SERPINF2: variants seen among roughly 807,000 people sequenced by gnomAD.
The protein encoded by SERPINF2 is serpin family F member 2.
A neutral mutation model predicts 45.0 loss-of-function variants in SERPINF2; 15 were observed. That is an observed-to-expected ratio of 0.33 (90% CI 0.22 to 0.51). The LOEUF is 0.51. Ranked by LOEUF, SERPINF2 falls within the 20% of genes least tolerant of loss-of-function variation. The pLI is 0.97. For missense variants in SERPINF2, 518 were observed against 637.4 expected (o/e 0.81, Z 2.02); for synonymous variants, 283 against 277.9 (o/e 1.02, Z -0.18).
intron 8 of SERPINF2, among the ~76,000 whole-genome samples, chr17:1,751,695 G>C (rs1457936356): frequency 7.3e-6 from 1 of 136,392 alleles, no homozygotes; most frequent in Non-Finnish European, 1.7e-5. Context: ...CGGAGGTTGC[G>C]GTGAGCCGAG....
At position 1,747,724 on chromosome 17, in the gene SERPINF2, C is replaced by T. The variant is rs56230135; in HGVS notation, c.715+212C>T. Among the ~76,000 whole-genome samples the T allele has an allele frequency of 0.23, 35,331 of 152,078 alleles. 5,099 individuals carry two copies. The highest frequency in any genetic ancestry group is 0.5 in the East Asian group (2,568 of 5,114). On this transcript the variant is annotated intron_variant, in intron 7 of 9. Transcript: ENST00000453066. Reference sequence around the variant, plus strand: ...GGATTACAGGCATCTGCCACCACACCCAGCTAATTTTTGTATTTTAGTAGA... The same window carrying T: ...GGATTACAGGCATCTGCCACCACACTCAGCTAATTTTTGTATTTTAGTAGA...
At chr17:1,743,455 C>T (rs1905478088) in intron 1 of SERPINF2, among the ~76,000 whole-genome samples, 1 of 151,880 alleles carries the variant, frequency 6.6e-6, no homozygotes, top group African/African-American at 2.4e-5. Context: ...GTGGCTCATG[C>T]CTGTCATCCC....
chr17:1,751,436 T>G (rs1597332211), intron 8 of SERPINF2, among the ~76,000 whole-genome samples: 15 of 93,150 alleles, frequency 1.6e-4, no homozygotes, highest in South Asian at 3.4e-4. Context: ...ACAATAAGAG[T>G]GAAACTCTGT....
At chr17:1,747,253 C>T in intron 6 of SERPINF2, 56 bp from the exon 7 acceptor site, 14 of 1,610,290 alleles carry the variant, frequency 8.7e-6, no homozygotes, top group East Asian at 4.5e-5. Flanking sequence ...CGAGTAGGGG[C>T]GTGTCTGGCT....
rs760384588 is a variant in SERPINF2, at chr17:1,754,113, C to G, written c.1064-9C>G. ...GCAGCTCTGACCAGCCATCTCTGGCCCTGGGCAGGCCTGCAGGAGTTGTTC... is the reference window on the plus strand; with the variant it reads ...GCAGCTCTGACCAGCCATCTCTGGCGCTGGGCAGGCCTGCAGGAGTTGTTC... On this transcript the variant is annotated splice_polypyrimidine_tract_variant and intron_variant, in intron 9 of 9. Transcript: ENST00000453066. The G allele has an allele frequency of 6.2e-7, 1 of 1,603,036 alleles. No individual in the cohort carries two copies. Among genetic ancestry groups the G allele is most frequent in the East Asian group, 2.2e-5 (1 of 44,898 alleles).
At chr17:1,749,529 C>T (rs1210245813) in intron 8 of SERPINF2, among the ~76,000 whole-genome samples, 4 of 152,194 alleles carry the variant, frequency 2.6e-5, no homozygotes, top group Admixed American at 6.5e-5. Flanking sequence ...ACCCGGGAGA[C>T]GGAGGCTGCA....
At chr17:1,751,038 C>T (rs1308506929) in intron 8 of SERPINF2, among the ~76,000 whole-genome samples, 3 of 152,366 alleles carry the variant, frequency 2.0e-5, no homozygotes, top group South Asian at 2.1e-4. Flanking sequence ...GGCTTATCCT[C>T]CCACGGGCAG....
intron 1 of SERPINF2, among the ~76,000 whole-genome samples, chr17:1,744,186 G>A (rs989433590): frequency 5.3e-5 from 8 of 149,692 alleles, no homozygotes; most frequent in Non-Finnish European, 7.4e-5. Context: ...TTGAGCCACC[G>A]TGCCTGGCCA....
At chr17:1,747,655 C>G in intron 7 of SERPINF2, 143 bp downstream of exon 7, 1 of 903,182 alleles carries the variant, frequency 1.1e-6, no homozygotes, top group South Asian at 1.5e-5. Context: ...ACCTCCGCCT[C>G]CCGGATTGAA....
At chr17:1,746,931 C>T (rs531625545) in intron 5 of SERPINF2, 88 bp from the exon 6 acceptor site, 12 of 1,510,530 alleles carry the variant, frequency 7.9e-6, no homozygotes, top group South Asian at 6.0e-5. Flanking sequence ...TGGACGTCCT[C>T]GTCACGGGTA....
Position 1,754,447 on chromosome 17 carries a change from C to A in SERPINF2, c.1389C>A (p.Phe463Leu), listed in dbSNP as rs566749778. 2.2e-5 allele frequency: 35 copies of A among 1,609,368 alleles called. No homozygotes were observed. Among genetic ancestry groups the A allele is most frequent in the Admixed American group, 1.8e-4 (11 of 59,610 alleles). ...NKDFLQSLKG[F>L]PRGDKLFGPD... ...ACTTCCTCCAGAGCCTGAAAGGCTT[C>A]CCCCGCGGAGACAAGCTTTTCGGCC... is the stretch of plus-strand genomic sequence containing the variant. The change falls in exon 10 of 10, where the codon TTC (phenylalanine) becomes TTA (leucine). Residue 463 changes from phenylalanine to leucine, a missense_variant. Around this residue, in one of 2 missense-constraint regions of SERPINF2, gnomAD observed 83 missense variants for 60.0 expected, o/e 1.38. Coordinates refer to ENST00000453066, the MANE Select transcript of SERPINF2 (RefSeq NM_000934.4).
chr17:1,752,133 C>G (rs1216857857), intron 8 of SERPINF2, among the ~76,000 whole-genome samples: 1 of 150,872 alleles, frequency 6.6e-6, no homozygotes, highest in Non-Finnish European at 1.5e-5. Flanking sequence ...CTCATGGCAA[C>G]CTCTGCCTCC....
chr17:1,744,304 C>G (rs1007724675), intron 1 of SERPINF2, among the ~76,000 whole-genome samples: 4 of 151,812 alleles, frequency 2.6e-5, no homozygotes, highest in Non-Finnish European at 4.4e-5. Flanking sequence ...ACCAGCCTGA[C>G]TAACACAGAG....
chr17:1,746,210 C>G (rs1468303381), intron 5 of SERPINF2, among the ~76,000 whole-genome samples: 1 of 151,854 alleles, frequency 6.6e-6, no homozygotes, highest in East Asian at 2.0e-4. Context: ...TCCAGCTACT[C>G]AGGAGGCTGA....
At chr17:1,749,080 A>G (rs1285800455) in intron 8 of SERPINF2, among the ~76,000 whole-genome samples, 1 of 152,254 alleles carries the variant, frequency 6.6e-6, no homozygotes, top group African/African-American at 2.4e-5. Context: ...GTGAATGGAC[A>G]TCAACACAGG....
intron 8 of SERPINF2, among the ~76,000 whole-genome samples, chr17:1,750,831 G>A (rs1028939034): frequency 2.6e-5 from 4 of 152,146 alleles, no homozygotes; most frequent in African/African-American, 7.2e-5. Context: ...GCCCGGGAAC[G>A]CGTCCTGGCT....
chr17:1,751,061 C>T (rs978799810), intron 8 of SERPINF2, among the ~76,000 whole-genome samples: 3 of 152,220 alleles, frequency 2.0e-5, no homozygotes, highest in Non-Finnish European at 2.9e-5. Flanking sequence ...GTTCTCCACA[C>T]GGGTACTCTG....
At position 1,754,677 on chromosome 17, in the gene SERPINF2, G is replaced by GT; in HGVS notation, c.*146dup. On this transcript the variant is annotated 3_prime_UTR_variant, in exon 10 of 10. Coordinates refer to ENST00000453066, the MANE Select transcript of SERPINF2 (RefSeq NM_000934.4). ...ATTCTTTCCCAACACCTCTTGGGGA[G>GT]TTTAGGGTGGGGGGGGGGCGCGGCT... is the stretch of plus-strand genomic sequence containing the variant. The GT allele has an allele frequency of 2.1e-5, 5 of 233,480 alleles. No homozygotes were observed. The highest frequency in any genetic ancestry group is 6.7e-5 in the Admixed American group (1 of 14,832). 14.5% of individuals were successfully genotyped at this position (233,480 alleles called of 1,614,324 possible). A position where few individuals can be genotyped will look rare whatever the true frequency, so the allele number is the denominator to read the frequency against.
chr17:1,754,785 G>T lies in SERPINF2; in HGVS notation c.*251G>T, dbSNP rs1906718248. 1.9e-6 allele frequency: 1 copy of T among 528,612 alleles called. No homozygotes were observed. Among genetic ancestry groups the T allele is most frequent in the Non-Finnish European group, 3.3e-6 (1 of 304,212 alleles). 32.7% of individuals were successfully genotyped at this position (528,612 alleles called of 1,614,324 possible). A position where few individuals can be genotyped will look rare whatever the true frequency, so the allele number is the denominator to read the frequency against. On this transcript the variant is annotated 3_prime_UTR_variant, in exon 10 of 10. Transcript: ENST00000453066. ...GGCTCAGAGGGTGTCCTGCACCGGGGCCTGGGCAGGAGGGAGGTGCTTCTA... is the reference window on the plus strand; with the variant it reads ...GGCTCAGAGGGTGTCCTGCACCGGGTCCTGGGCAGGAGGGAGGTGCTTCTA...
Sources: gnomAD v4.1 joint callset for allele counts (sites outside exome capture counted in the v4.1 genomes callset) on GRCh38, gnomAD v4.1.1 for gene constraint, gnomAD v4.1.1 regional missense constraint, MANE v1.5 for transcripts, NCBI Gene and HGNC (gene_info 2026-07-23, HGNC 2026-07-21) for gene names.